The following RGS3 variants were observed in gnomAD, a reference collection of about 807,000 sequenced individuals.
The protein encoded by RGS3 is regulator of G protein signaling 3, also known as regulator of G-protein signalling 3.
Under a neutral mutation model 132.6 loss-of-function variants are expected in RGS3, and 80 were observed. The observed-to-expected ratio is 0.60, with a 90% CI of 0.50 to 0.73. The LOEUF (loss-of-function observed/expected upper bound fraction) is 0.73, where lower values mean the gene tolerates loss of function less well. RGS3 is among the 30% of genes least tolerant of loss of function. The pLI, the probability that RGS3 is intolerant of heterozygous loss-of-function variation, is 0.00. For missense variants in RGS3, 1,382 were observed against 1,530.8 expected (o/e 0.90, Z 1.62); for synonymous variants, 598 against 620.6 (o/e 0.96, Z 0.54).
Position 113,461,607 on chromosome 9 carries a change from G to A in RGS3, c.81-100G>A, listed in dbSNP as rs557268941. On this transcript the variant is annotated intron_variant, in intron 1 of 24. Transcript: ENST00000350696. ...TCCAACTGAATATGTTAGCTGCAGA[G>A]TGGGGCAGGAGTCAGGAGGGGACCT... 8.0e-5 allele frequency: 95 copies of A among 1,193,886 alleles called. 1 individual carries two copies. The South Asian group carries it at 1.3e-3, about 16-fold the overall frequency. 74.0% of individuals were successfully genotyped at this position (1,193,886 alleles called of 1,614,324 possible). A position where few individuals can be genotyped will look rare whatever the true frequency, so the allele number is the denominator to read the frequency against.
Position 113,469,980 on chromosome 9 carries a change from A to G in RGS3, c.415+7779A>G, listed in dbSNP as rs141566743. ...GGCTGGAGTGCAGTGGCGCAATGTAAACTCACTGCAGCCTCCCCTTCCTGG... is the reference window on the plus strand; with the variant it reads ...GGCTGGAGTGCAGTGGCGCAATGTAGACTCACTGCAGCCTCCCCTTCCTGG... On this transcript the variant is annotated intron_variant, in intron 3 of 24. Transcript: ENST00000350696. Among the ~76,000 whole-genome samples, 689 of 151,768 alleles carry G rather than the reference A, an allele frequency of 4.5e-3. 1 individual carries two copies. Among genetic ancestry groups the G allele is most frequent in the African/African-American group, 0.015 (628 of 41,336 alleles).
Position 113,507,909 on chromosome 9 carries a change from C to A in RGS3, c.1437+271C>A, listed in dbSNP as rs149553040. ...ACAGAAGGAAGAGCTTTCTACTAGC[C>A]TGTGCTTTTCCCCAGTGGAATGGGC... is the stretch of plus-strand genomic sequence containing the variant. On this transcript the variant is annotated intron_variant, in intron 13 of 24. Transcript: ENST00000350696. The surrounding 1 kb of genome is among the most constrained non-coding windows in gnomAD (Gnocchi z 5.0). 6.0e-4 allele frequency among the ~76,000 whole-genome samples: 91 copies of A among 152,280 alleles called. 1 individual carries two copies. In the East Asian group the frequency reaches 0.017, roughly 29 times the overall value.
exon 20 of RGS3, chr9:113,583,739 T>C: frequency 1.9e-6 from 3 of 1,613,820 alleles, no homozygotes; most frequent in Non-Finnish European, 2.5e-6. Flanking sequence ...GCCCAAGACC[T>C]CTCACCCTGC....
At position 113,506,682 on chromosome 9, in the gene RGS3, C is replaced by G. The variant is rs1221548949; in HGVS notation, c.1085+189C>G. On this transcript the variant is annotated intron_variant, in intron 12 of 24. Transcript: ENST00000350696. The surrounding 1 kb of genome is among the most constrained non-coding windows in gnomAD (Gnocchi z 4.7). ...GAATGGAAGGTTCAGGCTCAGAGCA[C>G]TTTTGGATTCCAGAGCAAACAGCAG... Among the ~76,000 whole-genome samples, 8 of 152,186 alleles carry G rather than the reference C, an allele frequency of 5.3e-5. No homozygotes were observed. Among genetic ancestry groups the G allele is most frequent in the Non-Finnish European group, 1.0e-4 (7 of 68,030 alleles).
rs1835437193 is a variant in RGS3, at chr9:113,591,672, T to G, written c.3080+275T>G. ...AAGCAACCAGCCCGTTTGCCCTGGC[T>G]TTAGCCCAGCTTCTGAGCCAAGCAG... On this transcript the variant is annotated intron_variant, in intron 21 of 24. Transcript: ENST00000350696. This position sits in a 1 kb window ranked among gnomAD's most constrained non-coding sequence, Gnocchi z 4.4. 1 of 442,520 alleles carries G rather than the reference T, an allele frequency of 2.3e-6. No homozygotes were observed. The highest frequency in any genetic ancestry group is 2.5e-5 in the South Asian group (1 of 39,594). The allele number at this position is 442,520 out of a possible 1,614,324, so 27.4% of individuals were successfully genotyped here.
chr9:113,509,892 G>A (rs1405224415), intron 14 of RGS3, among the ~76,000 whole-genome samples: 1 of 152,148 alleles, frequency 6.6e-6, no homozygotes, highest in African/African-American at 2.4e-5. Flanking sequence ...ATAAATCTGT[G>A]TTCCTTCTGG....
intron 1 of RGS3, among the ~76,000 whole-genome samples, chr9:113,450,802 G>C (rs1011539470): frequency 6.6e-6 from 1 of 152,148 alleles, no homozygotes; most frequent in Admixed American, 6.6e-5. Context: ...TGAGGACTGT[G>C]AATAGGCAAG....
intron 19 of RGS3, among the ~76,000 whole-genome samples, chr9:113,564,159 G>A (rs1162126705): frequency 2.0e-5 from 3 of 152,230 alleles, no homozygotes; most frequent in Non-Finnish European, 4.4e-5. Context: ...GCTGTATGGT[G>A]GTTAAGAGCG....
chr9:113,501,639 T>C, intron 10 of RGS3: 1 of 1,560,450 alleles, frequency 6.4e-7, no homozygotes, highest in Non-Finnish European at 8.7e-7. Context: ...AGGTGGGTGC[T>C]TGGCCTCTTG....
chr9:113,476,636 C>T (rs536696515), intron 3 of RGS3, among the ~76,000 whole-genome samples: 4 of 152,326 alleles, frequency 2.6e-5, no homozygotes, highest in South Asian at 4.1e-4. Flanking sequence ...ATCTCAATCC[C>T]GAGTCAGCCT....
intron 19 of RGS3, among the ~76,000 whole-genome samples, chr9:113,572,204 A>T (rs577642063): frequency 1.7e-4 from 26 of 152,198 alleles, no homozygotes; most frequent in African/African-American, 6.3e-4. Flanking sequence ...AGAGGATGGG[A>T]CTTTATCCTA....
rs539965013 is a variant in RGS3 at position 113,547,765 on chromosome 9, G to A, written c.2037+10847G>A. On this transcript the variant is annotated intron_variant, in intron 19 of 24. Transcript: ENST00000350696. ...CAGAAGTCTCCTTCAGACTCTTCCC[G>A]ATAAGTTGCCATTGGCTTTTTCATC... is the stretch of plus-strand genomic sequence containing the variant. 2.3e-4 allele frequency among the ~76,000 whole-genome samples: 35 copies of A among 152,292 alleles called. No homozygotes were observed. The South Asian group carries it at 2.7e-3, about 12-fold the overall frequency.
intron 21 of RGS3, chr9:113,593,702 C>A (rs1246292791): frequency 1.7e-6 from 1 of 582,776 alleles, no homozygotes; most frequent in African/African-American, 1.9e-5. Flanking sequence ...GAGGGGCGAA[C>A]ATGAGCAAGA....
chr9:113,597,135 A>G, exon 25 of RGS3: 1 of 589,620 alleles, frequency 1.7e-6, no homozygotes, highest in Non-Finnish European at 2.9e-6. Context: ...GGAGGAGTAG[A>G]AGGATGGGCC....
At chr9:113,446,989 C>G (rs550282181) in intron 1 of RGS3, among the ~76,000 whole-genome samples, 6 of 151,598 alleles carry the variant, frequency 4.0e-5, no homozygotes, top group African/African-American at 1.2e-4. Flanking sequence ...GGGCCGGATG[C>G]GGTGGCTCAC....
chr9:113,508,484 T>C (rs1391746675), intron 13 of RGS3, 57 bp from the exon 12 acceptor site: 2 of 1,606,576 alleles, frequency 1.2e-6, no homozygotes, highest in Non-Finnish European at 1.7e-6. Flanking sequence ...AGCAGCCTCC[T>C]GGGCTGTCCT....
exon 7 of RGS3, chr9:113,485,685 C>T (rs1240764576): frequency 8.2e-6 from 13 of 1,589,896 alleles, no homozygotes; most frequent in Non-Finnish European, 9.4e-6. Context: ...ACAGGGCCAG[C>T]CAGTCCAGGT....
rs1834409223 is a variant in RGS3 at position 113,574,152 on chromosome 9, CATT to C, written c.2038-9295_2038-9293del. On this transcript the variant is annotated intron_variant, in intron 19 of 24. Transcript: ENST00000350696. ...TCTCTCTCTCCCCTATCTTTGTCATCATTATCTGTTTTGAACACCTCTAGCTTC... is the reference window on the plus strand; with the variant it reads ...TCTCTCTCTCCCCTATCTTTGTCATCATCTGTTTTGAACACCTCTAGCTTC... Among the ~76,000 whole-genome samples the C allele has an allele frequency of 2.0e-5, 3 of 152,210 alleles. No homozygotes were observed. The South Asian group carries it at 6.2e-4, about 31-fold the overall frequency.
chr9:113,536,766 C>T (rs770807392), intron 18 of RGS3, 30 bp from the exon 17 acceptor site: 5 of 1,609,058 alleles, frequency 3.1e-6, no homozygotes, highest in South Asian at 1.1e-5. Context: ...CAGCCCTGAC[C>T]GTCCGTTTCT....
Sources: allele counts gnomAD v4.1 joint callset (sites outside exome capture counted in the v4.1 genomes callset), GRCh38; gene constraint gnomAD v4.1.1; non-coding constraint Gnocchi (gnomAD v3.1); transcripts MANE v1.5; gene names NCBI Gene and HGNC (gene_info 2026-07-23, HGNC 2026-07-21).